The following CNTN5 variants were observed in gnomAD, a reference collection of about 807,000 sequenced individuals.
CNTN5 encodes the protein contactin 5.
In CNTN5, 77 loss-of-function variants were observed where a neutral mutation model predicts 129.1. The ratio of observed to expected loss-of-function variants is 0.60; its 90% CI spans 0.50 to 0.72. The LOEUF (loss-of-function observed/expected upper bound fraction) is 0.72. CNTN5 is among the 30% of genes least tolerant of loss of function. The pLI is 0.00. For synonymous variants in CNTN5, 509 were observed against 465.6 expected (o/e 1.09, Z -1.20); for missense variants, 1,478 against 1,328.8 (o/e 1.11, Z -1.75).
At chr11:99,138,785 T>G (rs910531238) in intron 1 of CNTN5, among the ~76,000 whole-genome samples, 2 of 152,208 alleles carry the variant, frequency 1.3e-5, no homozygotes, top group African/African-American at 4.8e-5. Context: ...TACTTATATA[T>G]TTCATTAGTA....
intron 1 of CNTN5, among the ~76,000 whole-genome samples, chr11:99,257,875 T>G: frequency 6.6e-6 from 1 of 152,226 alleles, no homozygotes; most frequent in Admixed American, 6.6e-5. Context: ...AATTATCAAG[T>G]ATGTCACCTA....
intron 2 of CNTN5, among the ~76,000 whole-genome samples, chr11:99,396,627 G>T (rs1941539436): frequency 6.6e-6 from 1 of 151,512 alleles, no homozygotes; most frequent in African/African-American, 2.4e-5. Flanking sequence ...AGTAGTGAAA[G>T]AACTAAAATT....
At chr11:99,565,981 C>T (rs552223828) in intron 3 of CNTN5, among the ~76,000 whole-genome samples, 141 of 152,196 alleles carry the variant, frequency 9.3e-4, no homozygotes, top group Non-Finnish European at 3.5e-4. Flanking sequence ...ATAAGAGTAG[C>T]TTTATGAAGG....
At chr11:100,168,440 G>C (rs1319413492) in intron 13 of CNTN5, among the ~76,000 whole-genome samples, 1 of 151,866 alleles carries the variant, frequency 6.6e-6, no homozygotes, top group Non-Finnish European at 1.5e-5. Flanking sequence ...AAAAATTGTA[G>C]GGCTCTTGAG....
intron 3 of CNTN5, among the ~76,000 whole-genome samples, chr11:99,778,901 A>G (rs1945217500): frequency 7.4e-6 from 1 of 134,270 alleles, no homozygotes; most frequent in Non-Finnish European, 1.6e-5. Context: ...ATTTCATAGC[A>G]TTTTATTACA....
intron 1 of CNTN5, among the ~76,000 whole-genome samples, chr11:99,067,208 G>C (rs1473099579): frequency 3.3e-5 from 5 of 152,044 alleles, no homozygotes; most frequent in Non-Finnish European, 7.4e-5. Context: ...TTCTAATATA[G>C]CACCAAAAAG....
At chr11:99,097,186 G>A (rs767521541) in intron 1 of CNTN5, among the ~76,000 whole-genome samples, 7 of 151,894 alleles carry the variant, frequency 4.6e-5, no homozygotes, top group Non-Finnish European at 8.8e-5. Flanking sequence ...GTCACCTTGT[G>A]TCTTTTAATC....
intron 2 of CNTN5, among the ~76,000 whole-genome samples, chr11:99,512,764 C>T (rs1190030674): frequency 6.6e-6 from 1 of 152,074 alleles, no homozygotes. Flanking sequence ...GTGAACATAA[C>T]TGATGTGTTC....
rs980376404 is a variant in CNTN5 at position 99,237,490 on chromosome 11, G to A, written c.-209-87856G>A. Among the ~76,000 whole-genome samples the A allele has an allele frequency of 2.6e-5, 4 of 152,226 alleles. 1 individual carries two copies. On this transcript the variant is annotated intron_variant, in intron 1 of 24. Coordinates refer to ENST00000524871, the MANE Select transcript of CNTN5 (RefSeq NM_014361.4). The stretch of plus-strand genomic sequence containing the variant: ...GAAGTGAGGAGATCTAGACCATCCC[G>A]GCCAACATAGTGGAACCCTGTCTCT...
At chr11:99,255,367 G>C (rs928980682) in intron 1 of CNTN5, among the ~76,000 whole-genome samples, 2 of 151,474 alleles carry the variant, frequency 1.3e-5, no homozygotes, top group African/African-American at 2.4e-5. Flanking sequence ...AGTTGAAGGG[G>C]ATAAATTATT....
At position 99,036,309 on chromosome 11, in the gene CNTN5, T is replaced by A. The variant is rs575657771; in HGVS notation, c.-210+15039T>A. The stretch of plus-strand genomic sequence containing the variant: ...CCAATATCTCCTACACATCAGATTT[T>A]TTTTTCCCAAGATGGAGTTTCACTC... On this transcript the variant is annotated intron_variant, in intron 1 of 24. Coordinates refer to ENST00000524871, the MANE Select transcript of CNTN5 (RefSeq NM_014361.4). 9.2e-5 allele frequency among the ~76,000 whole-genome samples: 14 copies of A among 152,264 alleles called. No individual in the cohort carries two copies. The East Asian group carries it at 2.5e-3, about 27-fold the overall frequency.
chr11:99,285,592 AG>A (rs1404170297), intron 1 of CNTN5, among the ~76,000 whole-genome samples: 1 of 136,666 alleles, frequency 7.3e-6, no homozygotes, highest in Non-Finnish European at 1.6e-5. Context: ...TTCAAGTTAA[AG>A]AAAAAAAAAA....
chr11:99,186,237 A>G (rs1018967382), intron 1 of CNTN5, among the ~76,000 whole-genome samples: 8 of 151,964 alleles, frequency 5.3e-5, no homozygotes, highest in African/African-American at 1.7e-4. Context: ...GAAGAGTTCC[A>G]TTACTCAAGG....
intron 3 of CNTN5, among the ~76,000 whole-genome samples, chr11:99,781,980 A>C (rs1252615170): frequency 6.6e-6 from 1 of 151,746 alleles, no homozygotes; most frequent in African/African-American, 2.4e-5. Context: ...TGGCCAGGGC[A>C]ATTAGGCAGG....
At chr11:100,297,268 C>T (rs1951117333) in intron 18 of CNTN5, among the ~76,000 whole-genome samples, 1 of 151,056 alleles carries the variant, frequency 6.6e-6, no homozygotes, top group Non-Finnish European at 1.5e-5. Flanking sequence ...TCTGCAAGCC[C>T]CGGGATAACA....
intron 1 of CNTN5, among the ~76,000 whole-genome samples, chr11:99,116,792 T>A (rs959254324): frequency 1.3e-5 from 2 of 152,296 alleles, no homozygotes; most frequent in South Asian, 2.1e-4. Context: ...AGGAAACAGA[T>A]GAATACATTT....
At chr11:99,291,009 A>G (rs1414577504) in intron 1 of CNTN5, among the ~76,000 whole-genome samples, 1 of 151,902 alleles carries the variant, frequency 6.6e-6, no homozygotes, top group Admixed American at 6.6e-5. Flanking sequence ...AACAACAGGT[A>G]TGTGCTGCTA....
intron 3 of CNTN5, among the ~76,000 whole-genome samples, chr11:99,792,939 G>GT (rs1945803496): frequency 1.3e-5 from 2 of 152,088 alleles, no homozygotes; most frequent in Non-Finnish European, 1.5e-5. Context: ...GTCTCTGAGA[G>GT]TTTTTTGTAT....
intron 1 of CNTN5, among the ~76,000 whole-genome samples, chr11:99,099,549 TACACACACACAC>T (rs57981357): frequency 6.7e-6 from 1 of 149,652 alleles, no homozygotes; most frequent in African/African-American, 2.5e-5. Context: ...ATAATGTGTA[TACACACACACAC>T]ACACACACAC....
Sources: allele counts gnomAD v4.1 joint callset (sites outside exome capture counted in the v4.1 genomes callset), GRCh38; gene constraint gnomAD v4.1.1; transcripts MANE v1.5; gene names NCBI Gene and HGNC (gene_info 2026-07-23, HGNC 2026-07-21).